FAM117B: variants seen among roughly 807,000 people sequenced by gnomAD.
FAM117B encodes the protein protein FAM117B.
Under a neutral mutation model 52.8 loss-of-function variants are expected in FAM117B, and 22 were observed. That is an observed-to-expected ratio of 0.42 (90% CI 0.30 to 0.59). The LOEUF is 0.59. Among genes scored for constraint, FAM117B ranks in the 20% least tolerant of loss-of-function variants. The probability of loss-of-function intolerance (pLI) is 0.22; values close to 1 mark genes in which losing one functional copy is unlikely to be tolerated. For synonymous variants in FAM117B, 309 were observed against 324.1 expected (o/e 0.95, Z 0.50); for missense variants, 678 against 802.6 (o/e 0.84, Z 1.88).
intron 2 of FAM117B, among the ~76,000 whole-genome samples, chr2:202,698,346 A>T (rs1373656668): frequency 6.6e-6 from 1 of 152,210 alleles, no homozygotes; most frequent in Non-Finnish European, 1.5e-5. Context: ...CTTGGTGTTT[A>T]TACTTTAGTG....
chr2:202,729,003 G>T (rs1402191811), intron 4 of FAM117B, among the ~76,000 whole-genome samples: 1 of 152,104 alleles, frequency 6.6e-6, no homozygotes, highest in Non-Finnish European at 1.5e-5. Flanking sequence ...TCAGGCACAT[G>T]TGCATCATGA....
At chr2:202,702,189 G>A (rs987710553) in intron 2 of FAM117B, among the ~76,000 whole-genome samples, 2 of 152,068 alleles carry the variant, frequency 1.3e-5, no homozygotes, top group African/African-American at 2.4e-5. Flanking sequence ...TCAGGAGTTC[G>A]AGACCAGCCG....
intron 1 of FAM117B, among the ~76,000 whole-genome samples, chr2:202,691,705 G>A (rs983398899): frequency 1.1e-4 from 17 of 150,412 alleles, no homozygotes; most frequent in African/African-American, 2.5e-4. Flanking sequence ...GTGTGCGCGC[G>A]CGCCTCCCCA....
chr2:202,661,006 A>G (rs779671860), intron 1 of FAM117B, among the ~76,000 whole-genome samples: 3 of 152,246 alleles, frequency 2.0e-5, no homozygotes, highest in Non-Finnish European at 4.4e-5. Context: ...GGCCACAAAG[A>G]AAGTGTTTCT....
intron 1 of FAM117B, among the ~76,000 whole-genome samples, chr2:202,672,817 T>C (rs148965921): frequency 1.3e-5 from 2 of 152,076 alleles, no homozygotes; most frequent in East Asian, 3.9e-4. Flanking sequence ...GGAGGATTGT[T>C]TGAGACCAGG....
intron 1 of FAM117B, among the ~76,000 whole-genome samples, chr2:202,693,303 T>G (rs991657455): frequency 1.3e-5 from 2 of 151,642 alleles, no homozygotes; most frequent in African/African-American, 2.4e-5. Flanking sequence ...TTTTCCAGAT[T>G]TAAAAAATAA....
rs1287753831 is a variant in FAM117B at position 202,699,376 on chromosome 2, G to A, written c.753+3344G>A. Among the ~76,000 whole-genome samples, 17 of 127,582 alleles carry A rather than the reference G, an allele frequency of 1.3e-4. No individual in the cohort carries two copies. The East Asian group carries it at 2.2e-3, about 17-fold the overall frequency. The allele number at this position is 127,582 out of a possible 152,430, so 83.7% of individuals were successfully genotyped here. A position where few individuals can be genotyped will look rare whatever the true frequency, so the allele number is the denominator to read the frequency against. ...CGGGAGGTGGAGGTTGCTGTGAGCC[G>A]AGATCGTGCCACCTCACTCCAGCCT... On this transcript the variant is annotated intron_variant, in intron 2 of 7. Transcript: ENST00000392238.
At chr2:202,663,714 A>G (rs1165619769) in intron 1 of FAM117B, among the ~76,000 whole-genome samples, 19 of 151,698 alleles carry the variant, frequency 1.3e-4, no homozygotes, top group Admixed American at 1.2e-3. Flanking sequence ...CTCCTGAGTA[A>G]CTGGGATTAC....
At chr2:202,648,355 A>AG (rs1306607481) in intron 1 of FAM117B, among the ~76,000 whole-genome samples, 4 of 152,004 alleles carry the variant, frequency 2.6e-5, no homozygotes, top group Non-Finnish European at 5.9e-5. Flanking sequence ...ACTAAAATAC[A>AG]GAAAAAAATT....
At chr2:202,765,394 A>AT in intron 7 of FAM117B, 52 bp from the exon 8 acceptor site, 44 of 1,222,318 alleles carry the variant, frequency 3.6e-5, no homozygotes, top group Non-Finnish European at 4.6e-5. Flanking sequence ...TTTTTTTTTT[A>AT]TTTTTTAAGT....
intron 1 of FAM117B, among the ~76,000 whole-genome samples, chr2:202,640,503 T>C (rs957575640): frequency 2.6e-5 from 4 of 151,516 alleles, no homozygotes; most frequent in South Asian, 4.2e-4. Flanking sequence ...CCAGAACTTA[T>C]ATTTGTGTCA....
At chr2:202,695,261 CTT>C (rs563394047) in intron 1 of FAM117B, among the ~76,000 whole-genome samples, 2 of 145,580 alleles carry the variant, frequency 1.4e-5, no homozygotes, top group Admixed American at 6.9e-5. Flanking sequence ...AATCCTTATC[CTT>C]TTTTTTTTTA....
chr2:202,728,503 C>T (rs1213181439), intron 4 of FAM117B, among the ~76,000 whole-genome samples: 3 of 152,206 alleles, frequency 2.0e-5, no homozygotes, highest in African/African-American at 7.2e-5. Context: ...CCCAGTCTCA[C>T]TCTCAAGAGG....
At chr2:202,644,053 G>GT (rs1219743876) in intron 1 of FAM117B, among the ~76,000 whole-genome samples, 2,325 of 59,246 alleles carry the variant, frequency 0.039, 181 homozygotes, top group Middle Eastern at 0.083. Flanking sequence ...TTTAGGAGCT[G>GT]TTTTTTTTTT....
intron 1 of FAM117B, among the ~76,000 whole-genome samples, chr2:202,684,684 A>G (rs1239307077): frequency 6.8e-6 from 1 of 147,744 alleles, no homozygotes; most frequent in Admixed American, 6.6e-5. Context: ...TTAGGCATGA[A>G]TTATAGTGCT....
intron 2 of FAM117B, among the ~76,000 whole-genome samples, chr2:202,701,528 C>G (rs928730362): frequency 1.3e-5 from 2 of 152,042 alleles, no homozygotes; most frequent in African/African-American, 4.8e-5. Flanking sequence ...ATAGTGATTC[C>G]TCTGATGGAT....
chr2:202,687,800 T>C (rs1311900814), intron 1 of FAM117B, among the ~76,000 whole-genome samples: 1 of 152,216 alleles, frequency 6.6e-6, no homozygotes, highest in Non-Finnish European at 1.5e-5. Flanking sequence ...ATAGTCCTTA[T>C]CTTTTTGATA....
In FAM117B at chr2:202,766,044, G is replaced by T; in HGVS notation, c.*280G>T. Reference sequence around the variant, plus strand: ...GAGACAATATCACGTTTTTGTTTTCGAATTAGACTTCTTTAAAACACACAC... The same window carrying T: ...GAGACAATATCACGTTTTTGTTTTCTAATTAGACTTCTTTAAAACACACAC... On this transcript the variant is annotated 3_prime_UTR_variant, in exon 8 of 8. Coordinates refer to ENST00000392238, the MANE Select transcript of FAM117B (RefSeq NM_173511.4). 2.7e-5 allele frequency: 9 copies of T among 333,604 alleles called. No homozygotes were observed. The highest frequency in any genetic ancestry group is 3.9e-5 in the Non-Finnish European group (7 of 180,390). The allele number at this position is 333,604 out of a possible 1,614,324, so 20.7% of individuals were successfully genotyped here.
At chr2:202,666,387 G>A (rs1313984729) in intron 1 of FAM117B, among the ~76,000 whole-genome samples, 1 of 151,634 alleles carries the variant, frequency 6.6e-6, no homozygotes, top group East Asian at 1.9e-4. Flanking sequence ...GTTTATTGGT[G>A]TTACACGTTC....
Sources: gnomAD v4.1 joint callset for allele counts (sites outside exome capture counted in the v4.1 genomes callset) on GRCh38, gnomAD v4.1.1 for gene constraint, MANE v1.5 for transcripts, NCBI Gene and HGNC (gene_info 2026-07-23, HGNC 2026-07-21) for gene names.